Variants in LCOR observed in about 807,000 individuals in gnomAD.
The protein encoded by LCOR is ligand-dependent corepressor.
Under a neutral mutation model 64.4 loss-of-function variants are expected in LCOR, and 14 were observed. The observed-to-expected ratio is 0.22, with a 90% CI of 0.14 to 0.34. LCOR has a LOEUF of 0.34. Among genes scored for constraint, LCOR ranks in the 10% least tolerant of loss-of-function variants. The pLI is 1.00. For synonymous variants in LCOR, 643 were observed against 642.5 expected, an observed-to-expected ratio of 1.00 and a Z score of -0.01; for missense variants, 1,686 against 1,765.3, an observed-to-expected ratio of 0.96 and a Z score of 0.80.
At chr10:96,972,963 T>C (rs1291265309) in intron 7 of LCOR, among the ~76,000 whole-genome samples, 1 of 152,192 alleles carries the variant, frequency 6.6e-6, no homozygotes, top group African/African-American at 2.4e-5. Flanking sequence ...CATGTTGCCA[T>C]TAGCAATGGT....
chr10:96,875,685 A>G (rs1031647415), intron 2 of LCOR, among the ~76,000 whole-genome samples: 10 of 152,016 alleles, frequency 6.6e-5, no homozygotes, highest in Admixed American at 2.0e-4. Context: ...AACGTGGTGA[A>G]ACCCTGTCTC....
At chr10:96,932,705 AC>A (rs1487857578) in intron 4 of LCOR, among the ~76,000 whole-genome samples, 1 of 152,032 alleles carries the variant, frequency 6.6e-6, no homozygotes, top group African/African-American at 2.4e-5. Context: ...CTTGTGATCC[AC>A]CTGTCTCGGC....
At position 96,983,979 on chromosome 10, in the gene LCOR, C is replaced by T. The variant is rs767086232; in HGVS notation, c.3519C>T (p.Leu1173=). Reference sequence around the variant, plus strand: ...AGAAGTGTTCTCCTGTTCAGATGCTCTTTATGACAAACTTTAAATTATCTA... The same window carrying T: ...AGAAGTGTTCTCCTGTTCAGATGCTTTTTATGACAAACTTTAAATTATCTA... ...ESQKCSPVQM[L]FMTNFKLSNV... Residue 1173 remains leucine (L), a synonymous_variant, in exon 8 of 8, where the codon CTC becomes CTT. Coordinates refer to ENST00000421806, the MANE Select transcript of LCOR (RefSeq NM_001346516.2). The surrounding 1 kb of genome is among the most constrained non-coding windows in gnomAD (Gnocchi z 4.5). The T allele has an allele frequency of 1.8e-5, 29 of 1,614,166 alleles. No homozygotes were observed. The highest frequency in any genetic ancestry group is 2.3e-5 in the Non-Finnish European group (27 of 1,180,034).
chr10:96,920,899 G>C (rs951636263), intron 4 of LCOR, among the ~76,000 whole-genome samples: 5 of 151,816 alleles, frequency 3.3e-5, no homozygotes, highest in Admixed American at 3.3e-4. Flanking sequence ...CCGGGCACAT[G>C]TAATCCTCCT....
chr10:96,849,201 G>A (rs1157293039), intron 2 of LCOR, among the ~76,000 whole-genome samples: 1 of 149,314 alleles, frequency 6.7e-6, no homozygotes, highest in Non-Finnish European at 1.5e-5. Context: ...AGCCTCCTTA[G>A]CAGCTGGGAC....
Position 96,982,089 on chromosome 10 carries a change from G to A in LCOR, c.1629G>A (p.Lys543=), listed in dbSNP as rs1411349137. 3 of 1,614,032 alleles carry A rather than the reference G, an allele frequency of 1.9e-6. No individual in the cohort carries two copies. Among genetic ancestry groups the A allele is most frequent in the African/African-American group, 2.7e-5 (2 of 74,906 alleles). Residue 543 remains lysine, a synonymous_variant, in exon 8 of 8, where the codon AAG becomes AAA. Transcript: ENST00000421806. Reference sequence around the variant, plus strand: ...CATCAGAGGCAGTTTTCACTCCTAAGCAGACCCTTACAATTCCAGCCCCTA... The same window carrying A: ...CATCAGAGGCAGTTTTCACTCCTAAACAGACCCTTACAATTCCAGCCCCTA... The part of the protein sequence containing the change: ...ALASEAVFTP[K]QTLTIPAPRH...
intron 2 of LCOR, among the ~76,000 whole-genome samples, chr10:96,896,372 T>G (rs1182628033): frequency 6.6e-6 from 1 of 152,192 alleles, no homozygotes; most frequent in African/African-American, 2.4e-5. Flanking sequence ...TATTTTCTTT[T>G]CAGTAAATTA....
intron 4 of LCOR, among the ~76,000 whole-genome samples, chr10:96,910,990 C>CA (rs1846821851): frequency 6.6e-6 from 1 of 151,898 alleles, no homozygotes. Flanking sequence ...AATTTTTGAA[C>CA]TGCACTTCAG....
At chr10:96,877,705 G>A (rs950665459) in intron 2 of LCOR, among the ~76,000 whole-genome samples, 4 of 146,956 alleles carry the variant, frequency 2.7e-5, no homozygotes, top group African/African-American at 1.0e-4. Flanking sequence ...TCAGCCTCCC[G>A]GGTTCACGCC....
At chr10:96,839,868 A>T (rs1256511733) in intron 2 of LCOR, among the ~76,000 whole-genome samples, 3 of 151,990 alleles carry the variant, frequency 2.0e-5, no homozygotes, top group Non-Finnish European at 4.4e-5. Flanking sequence ...TTGTAGTTTT[A>T]GGAAAGACAG....
rs1848166962 is a variant in LCOR at position 96,988,361 on chromosome 10, T to TATG, written c.*3227_*3228insATG. ...CCCCTTGGATTCCTTGTTAAAGACT[T>TATG]CTGTGCAGCCTTATCTAAAATGATA... On this transcript the variant is annotated 3_prime_UTR_variant, in exon 8 of 8. Coordinates refer to ENST00000421806, the MANE Select transcript of LCOR (RefSeq NM_001346516.2). The TATG allele has an allele frequency of 6.6e-6, 1 of 152,228 alleles. No individual in the cohort carries two copies. Among genetic ancestry groups the TATG allele is most frequent in the African/African-American group, 2.4e-5 (1 of 41,460 alleles). The allele number at this position is 152,228 out of a possible 1,614,324, so 9.4% of individuals were successfully genotyped here.
At chr10:96,909,725 G>A (rs1846795726) in intron 4 of LCOR, among the ~76,000 whole-genome samples, 1 of 152,164 alleles carries the variant, frequency 6.6e-6, no homozygotes, top group Admixed American at 6.5e-5. Context: ...TGAAAAAGTT[G>A]TTGCTCTATT....
chr10:96,886,529 A>G (rs764397711), intron 2 of LCOR, among the ~76,000 whole-genome samples: 9 of 152,230 alleles, frequency 5.9e-5, no homozygotes, highest in Non-Finnish European at 1.3e-4. Flanking sequence ...AACTTATAGT[A>G]TTCTCTTTTA....
At chr10:96,946,044 A>C (rs1231845279) in intron 5 of LCOR, among the ~76,000 whole-genome samples, 1 of 151,636 alleles carries the variant, frequency 6.6e-6, no homozygotes, top group East Asian at 1.9e-4. Flanking sequence ...TTGTAAGTTG[A>C]GTTTATTTGT....
chr10:96,969,104 C>A (rs1024589150), intron 7 of LCOR, among the ~76,000 whole-genome samples: 47 of 152,144 alleles, frequency 3.1e-4, no homozygotes, highest in Non-Finnish European at 4.4e-4. Context: ...CTGTGGCAGG[C>A]TCTTTGCAAG....
In LCOR at chr10:96,987,305, A is replaced by G. The variant is rs1450589565; in HGVS notation, c.*2171A>G. On this transcript the variant is annotated 3_prime_UTR_variant, in exon 8 of 8. Transcript: ENST00000421806. ...TGACTTAAACAGCTGATGTTTGCCA[A>G]TGTCAGGCATGCTGATTCCTGTACA... The G allele has an allele frequency of 6.6e-6, 1 of 152,226 alleles. No individual in the cohort carries two copies. The highest frequency in any genetic ancestry group is 1.5e-5 in the Non-Finnish European group (1 of 68,042). 9.4% of individuals were successfully genotyped at this position (152,226 alleles called of 1,614,324 possible).
At position 96,886,963 on chromosome 10, in the gene LCOR, G is replaced by A. The variant is rs193244504; in HGVS notation, c.-329-20302G>A. 1.5e-3 allele frequency among the ~76,000 whole-genome samples: 225 copies of A among 152,288 alleles called. 7 individuals are homozygous for A. The highest frequency in any genetic ancestry group is 3.2e-4 in the Non-Finnish European group (22 of 68,024). On this transcript the variant is annotated intron_variant, in intron 2 of 7. Coordinates refer to ENST00000421806, the MANE Select transcript of LCOR (RefSeq NM_001346516.2). ...CTTTAATAAATAGAGCAAGAAACCT[G>A]TGACAAAAATGGATTGATTTGATCC...
chr10:96,845,574 TCTC>T (rs1198251364), intron 2 of LCOR, among the ~76,000 whole-genome samples: 2 of 146,446 alleles, frequency 1.4e-5, no homozygotes, highest in African/African-American at 5.0e-5. Flanking sequence ...TTCATGCCAT[TCTC>T]CTGCCTCAGC....
chr10:96,939,640 A>G (rs185665749), intron 4 of LCOR, among the ~76,000 whole-genome samples: 28 of 152,340 alleles, frequency 1.8e-4, no homozygotes, highest in Admixed American at 9.8e-4. Flanking sequence ...ACAATGCAAC[A>G]ATAAAATGGT....
Sources: allele counts gnomAD v4.1 joint callset (sites outside exome capture counted in the v4.1 genomes callset), GRCh38; gene constraint gnomAD v4.1.1; non-coding constraint Gnocchi (gnomAD v3.1); transcripts MANE v1.5; gene names NCBI Gene and HGNC (gene_info 2026-07-23, HGNC 2026-07-21).